Variants in LPIN2 observed in about 807,000 individuals in gnomAD.
LPIN2 encodes lipin 2.
Under a neutral mutation model 111.4 loss-of-function variants are expected in LPIN2, and 55 were observed. The observed-to-expected ratio is 0.49, with a 90% CI of 0.40 to 0.62. LPIN2 has a LOEUF of 0.62. Ranked by LOEUF, LPIN2 falls within the 20% of genes least tolerant of loss-of-function variation. The probability of loss-of-function intolerance (pLI) is 0.00; values close to 1 mark genes in which losing one functional copy is unlikely to be tolerated. For missense variants in LPIN2, 992 were observed against 1,112.1 expected (o/e 0.89, Z 1.54); for synonymous variants, 425 against 414.0 (o/e 1.03, Z -0.32).
rs10570659 is a variant in LPIN2 at position 2,951,449 on chromosome 18, TAA to T, written c.289-95_289-94del. On this transcript the variant is annotated intron_variant, in intron 3 of 19. Transcript: ENST00000677752. ...TTGAATATATAAATTTTCACCATGGTAAAAAAAAAAAAAATACATATTCCCTA... is the reference window on the plus strand; with the variant it reads ...TTGAATATATAAATTTTCACCATGGTAAAAAAAAAAAATACATATTCCCTA... 0.57 allele frequency: 469,182 copies of T among 821,954 alleles called. 83,139 individuals carry two copies. Among genetic ancestry groups the T allele is most frequent in the Admixed American group, 0.61 (24,127 of 39,786 alleles). The allele number at this position is 821,954 out of a possible 1,614,324, so 50.9% of individuals were successfully genotyped here. A position where few individuals can be genotyped will look rare whatever the true frequency, so the allele number is the denominator to read the frequency against.
At chr18:2,972,667 A>G (rs973941799) in intron 1 of LPIN2, among the ~76,000 whole-genome samples, 45 of 152,208 alleles carry the variant, frequency 3.0e-4, no homozygotes, top group African/African-American at 9.7e-4. Flanking sequence ...AGGAGATCCT[A>G]AAACGGTAAG....
intron 1 of LPIN2, among the ~76,000 whole-genome samples, chr18:2,973,690 G>A (rs2077960408): frequency 6.6e-6 from 1 of 152,110 alleles, no homozygotes; most frequent in Non-Finnish European, 1.5e-5. Context: ...TTTGAATTTT[G>A]GATATTTTCA....
intron 1 of LPIN2, among the ~76,000 whole-genome samples, chr18:2,993,158 AAAG>A (rs1454295082): frequency 1.3e-5 from 2 of 151,966 alleles, no homozygotes; most frequent in Admixed American, 1.3e-4. Context: ...AAGAAAAAAG[AAAG>A]AAGAAAGGAA....
chr18:2,987,265 C>T (rs965531681), intron 1 of LPIN2, among the ~76,000 whole-genome samples: 1 of 152,114 alleles, frequency 6.6e-6, no homozygotes, highest in Non-Finnish European at 1.5e-5. Flanking sequence ...ACAGGGGTGG[C>T]TCAGTGCATC....
At chr18:2,936,039 G>A (rs1177367895) in intron 7 of LPIN2, among the ~76,000 whole-genome samples, 1 of 152,170 alleles carries the variant, frequency 6.6e-6, no homozygotes, top group Admixed American at 6.5e-5. Context: ...ACAGGCCTTT[G>A]GTGGAAGAGC....
intron 12 of LPIN2, 47 bp from the exon 13 acceptor site, chr18:2,926,852 G>T (rs369080459): frequency 6.8e-7 from 1 of 1,475,714 alleles, no homozygotes; most frequent in Non-Finnish European, 9.4e-7. Flanking sequence ...TTTCCCTACA[G>T]ATAAGCCAAG....
chr18:2,919,854 CG>C lies in LPIN2; in HGVS notation c.*438del, dbSNP rs1176181387. On this transcript the variant is annotated 3_prime_UTR_variant, in exon 20 of 20. Transcript: ENST00000677752. Reference sequence around the variant, plus strand: ...TTCAGCCAGCATCACTGACTGGGCCCGCAGCAGTTCAGGGACCCTGACATCT... The same window carrying C: ...TTCAGCCAGCATCACTGACTGGGCCCCAGCAGTTCAGGGACCCTGACATCT... 4.2e-6 allele frequency: 1 copy of C among 237,056 alleles called. No homozygotes were observed. Among genetic ancestry groups the C allele is most frequent in the Admixed American group, 5.1e-5 (1 of 19,750 alleles). The allele number at this position is 237,056 out of a possible 1,614,324, so 14.7% of individuals were successfully genotyped here. A position where few individuals can be genotyped will look rare whatever the true frequency, so the allele number is the denominator to read the frequency against.
chr18:2,974,880 C>A (rs1244293963), intron 1 of LPIN2, among the ~76,000 whole-genome samples: 5 of 152,150 alleles, frequency 3.3e-5, no homozygotes, highest in Non-Finnish European at 5.9e-5. Flanking sequence ...CCTGTAGTCC[C>A]AGCTACTCCG....
intron 1 of LPIN2, among the ~76,000 whole-genome samples, chr18:2,990,428 TACA>T (rs1050533739): frequency 7.9e-5 from 12 of 152,222 alleles, no homozygotes; most frequent in African/African-American, 2.2e-4. Flanking sequence ...TAAAAATTCC[TACA>T]ACAACTAAAA....
At chr18:3,009,763 A>T (rs148352966) in intron 1 of LPIN2, among the ~76,000 whole-genome samples, 2 of 152,190 alleles carry the variant, frequency 1.3e-5, no homozygotes, top group Non-Finnish European at 2.9e-5. Flanking sequence ...TCTTGTTAAC[A>T]ATTTTAACAT....
At chr18:2,986,413 A>G (rs1193101880) in intron 1 of LPIN2, among the ~76,000 whole-genome samples, 2 of 152,026 alleles carry the variant, frequency 1.3e-5, no homozygotes, top group Non-Finnish European at 2.9e-5. Flanking sequence ...GAGAAAAAAC[A>G]AGGGAGGGTC....
intron 1 of LPIN2, among the ~76,000 whole-genome samples, chr18:3,005,459 C>T (rs1031333943): frequency 2.6e-5 from 4 of 152,172 alleles, no homozygotes; most frequent in Non-Finnish European, 5.9e-5. Flanking sequence ...GGGAGGATCG[C>T]TTGAGCCCAG....
At chr18:2,980,321 A>G (rs1248341133) in intron 1 of LPIN2, among the ~76,000 whole-genome samples, 2 of 152,198 alleles carry the variant, frequency 1.3e-5, no homozygotes, top group Non-Finnish European at 2.9e-5. Flanking sequence ...CAATTAAATA[A>G]TTACTTTTTT....
At position 2,954,576 on chromosome 18, in the gene LPIN2, A is replaced by G; in HGVS notation, c.216T>C (p.Ser72=). 1.2e-6 allele frequency: 2 copies of G among 1,613,288 alleles called. No individual in the cohort carries two copies. Among genetic ancestry groups the G allele is most frequent in the Non-Finnish European group, 1.7e-6 (2 of 1,179,180 alleles). The change falls in exon 3 of 20, where the codon AGT becomes AGC. Residue 72 remains serine, a synonymous_variant. Coordinates refer to ENST00000677752, the MANE Select transcript of LPIN2 (RefSeq NM_001375808.2). ...EKVIDIEING[S]AVDLHMKLGD... is the part of the protein sequence containing the mutation. ...CCAACTTCATGTGAAGATCCACTGCACTGCCGTTGATTTCTATATCAATCT... is the reference window on the plus strand; with the variant it reads ...CCAACTTCATGTGAAGATCCACTGCGCTGCCGTTGATTTCTATATCAATCT...
intron 1 of LPIN2, among the ~76,000 whole-genome samples, chr18:2,961,858 T>A (rs565254446): frequency 7.9e-5 from 12 of 152,346 alleles, no homozygotes; most frequent in African/African-American, 2.9e-4. Context: ...ATGCTCCAGC[T>A]AATTCAGAGG....
intron 9 of LPIN2, among the ~76,000 whole-genome samples, chr18:2,929,609 T>C (rs1232969216): frequency 6.6e-6 from 1 of 152,076 alleles, no homozygotes; most frequent in African/African-American, 2.4e-5. Context: ...TCAAAACATA[T>C]CTTAAAATTG....
intron 1 of LPIN2, among the ~76,000 whole-genome samples, chr18:2,981,888 G>T (rs2078116225): frequency 6.6e-6 from 1 of 152,102 alleles, no homozygotes; most frequent in African/African-American, 2.4e-5. Flanking sequence ...TTGTCTCACT[G>T]ATTTTATGCT....
rs55747910 is a variant in LPIN2, at chr18:2,943,458, G to GTGTGTGTGTT, written c.591-2747_591-2746insAACACACACA. Among the ~76,000 whole-genome samples the GTGTGTGTGTT allele has an allele frequency of 6.8e-4, 99 of 146,306 alleles. 2 individuals are homozygous for GTGTGTGTGTT. Among genetic ancestry groups the GTGTGTGTGTT allele is most frequent in the Middle Eastern group, 3.5e-3 (1 of 284 alleles). On this transcript the variant is annotated intron_variant, in intron 4 of 19. Transcript: ENST00000677752. ...TGTGTGTGTGTGTGTGTGTGTGTGTGTATAAATCAATGTTTTGATCAATGT... is the reference window on the plus strand; with the variant it reads ...TGTGTGTGTGTGTGTGTGTGTGTGTGTGTGTGTGTTTATAAATCAATGTTTTGATCAATGT...
At chr18:2,949,153 A>C (rs1297942827) in intron 4 of LPIN2, among the ~76,000 whole-genome samples, 1 of 152,198 alleles carries the variant, frequency 6.6e-6, no homozygotes, top group Non-Finnish European at 1.5e-5. Flanking sequence ...AAAAGTAAAA[A>C]ATCTCATACT....
Sources: allele counts gnomAD v4.1 joint callset (sites outside exome capture counted in the v4.1 genomes callset), GRCh38; gene constraint gnomAD v4.1.1; transcripts MANE v1.5; gene names NCBI Gene and HGNC (gene_info 2026-07-23, HGNC 2026-07-21).